The following GRHL1 variants were observed in gnomAD, a reference collection of about 807,000 sequenced individuals.
GRHL1 encodes grainyhead like transcription factor 1, also known as grainyhead-like protein 1 homolog.
A neutral mutation model predicts 75.7 loss-of-function variants in GRHL1; 38 were observed. The ratio of observed to expected loss-of-function variants is 0.50; its 90% CI spans 0.39 to 0.66. The LOEUF is 0.66. GRHL1 is among the 30% of genes least tolerant of loss of function. The pLI is 0.00. For missense variants in GRHL1, 589 were observed against 767.5 expected (o/e 0.77, Z 2.75); for synonymous variants, 266 against 279.4 (o/e 0.95, Z 0.48).
chr2:9,994,432 A>T (rs544355154), intron 12 of GRHL1, among the ~76,000 whole-genome samples: 3 of 151,786 alleles, frequency 2.0e-5, no homozygotes, highest in Non-Finnish European at 4.4e-5. Flanking sequence ...GTGCATCCTG[A>T]TGGAGAGAGC....
At chr2:9,979,996 C>T (rs1417191640) in intron 8 of GRHL1, among the ~76,000 whole-genome samples, 2 of 152,164 alleles carry the variant, frequency 1.3e-5, no homozygotes, top group Non-Finnish European at 2.9e-5. Flanking sequence ...AGACAGTTAG[C>T]AAGCTTTACT....
At chr2:9,962,945 G>A (rs1667336264) in intron 5 of GRHL1, among the ~76,000 whole-genome samples, 1 of 151,626 alleles carries the variant, frequency 6.6e-6, no homozygotes, top group East Asian at 1.9e-4. Flanking sequence ...AATAAATGAA[G>A]TCAACTTTTT....
intron 14 of GRHL1, among the ~76,000 whole-genome samples, chr2:9,998,509 T>C (rs542587136): frequency 5.0e-5 from 2 of 40,278 alleles, no homozygotes; most frequent in South Asian, 5.7e-4. Context: ...TACATATATA[T>C]ACGTATATAT....
rs776257623 is a variant in GRHL1, at chr2:9,962,527, T to C, written c.742T>C (p.Ser248Pro). The change falls in exon 5 of 16, where the codon TCT becomes CCT. Residue 248 changes from serine to proline, a missense_variant. Coordinates refer to ENST00000324907, the MANE Select transcript of GRHL1 (RefSeq NM_198182.3). The stretch of plus-strand genomic sequence containing the variant: ...AGAGGACTATGTTTTTGACAGTGTT[T>C]CTGGGTAATAGATGTCTTTTAATTT... ...NSEDYVFDSV[S>P]GNNFEYTLEA... The C allele has an allele frequency of 5.9e-6, 9 of 1,515,738 alleles. No homozygotes were observed. The highest frequency in any genetic ancestry group is 8.3e-6 in the Non-Finnish European group (9 of 1,090,330). 93.9% of individuals were successfully genotyped at this position (1,515,738 alleles called of 1,614,324 possible).
At position 9,968,848 on chromosome 2, in the gene GRHL1, C is replaced by G. The variant is rs1289016512; in HGVS notation, c.1110+3467C>G. 6.6e-6 allele frequency among the ~76,000 whole-genome samples: 1 copy of G among 152,186 alleles called. No homozygotes were observed. Among genetic ancestry groups the G allele is most frequent in the Non-Finnish European group, 1.5e-5 (1 of 68,028 alleles). On this transcript the variant is annotated intron_variant, in intron 8 of 15. Transcript: ENST00000324907. The surrounding 1 kb of genome is among the most constrained non-coding windows in gnomAD (Gnocchi z 4.7). ...GAGCCTGCTGTGGACAAGGCGTGGG[C>G]TGGATCTAGGCTCCTGCCACTAGTT...
In GRHL1 at chr2:9,990,273, C is replaced by T. The variant is rs1668584447; in HGVS notation, c.1270-423C>T. ...TCAAGCAGTTCTCCTGCCTCAGCCT[C>T]CCAAGTAGCTGGGACTACAGGTGCC... On this transcript the variant is annotated intron_variant, in intron 9 of 15. Coordinates refer to ENST00000324907, the MANE Select transcript of GRHL1 (RefSeq NM_198182.3). The surrounding 1 kb of genome is among the most constrained non-coding windows in gnomAD (Gnocchi z 4.2). 6.6e-6 allele frequency among the ~76,000 whole-genome samples: 1 copy of T among 152,060 alleles called. No individual in the cohort carries two copies. The highest frequency in any genetic ancestry group is 1.5e-5 in the Non-Finnish European group (1 of 68,020).
chr2:9,978,740 C>T (rs1572365337), intron 8 of GRHL1, among the ~76,000 whole-genome samples: 1 of 152,136 alleles, frequency 6.6e-6, no homozygotes, highest in Non-Finnish European at 1.5e-5. Flanking sequence ...CCTGTAATCC[C>T]AGCACTTTGG....
At chr2:9,985,974 T>G in intron 8 of GRHL1, 150 bp from the exon 9 acceptor site, 1 of 606,556 alleles carries the variant, frequency 1.6e-6, no homozygotes, top group Non-Finnish European at 2.8e-6. Flanking sequence ...CCTGATCACC[T>G]CTTTTTAAAA....
In GRHL1 at chr2:9,961,237, T is replaced by G; in HGVS notation, c.470T>G (p.Ile157Ser). ...VSIATMPTHS[I>S]KTETQPHGFA... ...ATAGCAACGATGCCTACCCACTCCA[T>G]CAAGACAGAAACCCAGCCACATGGC... The change falls in exon 4 of 16, where the codon ATC becomes AGC. Residue 157 changes from isoleucine to serine, a missense_variant. This residue lies in a region of GRHL1 where 362 missense variants were observed against 461.8 expected (regional missense o/e 0.78). Coordinates refer to ENST00000324907, the MANE Select transcript of GRHL1 (RefSeq NM_198182.3). 6.2e-7 allele frequency: 1 copy of G among 1,614,090 alleles called. No individual in the cohort carries two copies. The highest frequency in any genetic ancestry group is 8.5e-7 in the Non-Finnish European group (1 of 1,179,996).
At chr2:9,983,340 T>C (rs1668278203) in intron 8 of GRHL1, among the ~76,000 whole-genome samples, 1 of 152,152 alleles carries the variant, frequency 6.6e-6, no homozygotes, top group Non-Finnish European at 1.5e-5. Context: ...AGGACCATTG[T>C]CAACTTTCTT....
chr2:9,959,099 G>A (rs891312691), intron 3 of GRHL1: 2 of 346,096 alleles, frequency 5.8e-6, no homozygotes, highest in African/African-American at 4.2e-5. Context: ...CTCCTCCAAA[G>A]GGATAGTTTT....
Position 9,982,682 on chromosome 2 carries a change from G to C in GRHL1, c.1111-3442G>C, listed in dbSNP as rs74629784. ...ATCTTCATTTCCAACAAGTTCCCTC[G>C]TGCTGATGCTCCTGGCATCACACTT... On this transcript the variant is annotated intron_variant, in intron 8 of 15. Transcript: ENST00000324907. Among the ~76,000 whole-genome samples the C allele has an allele frequency of 6.9e-3, 1,050 of 152,214 alleles. 9 individuals are homozygous for C. The highest frequency in any genetic ancestry group is 0.023 in the African/African-American group (968 of 41,524).
At chr2:9,967,594 G>A (rs1287078789) in intron 8 of GRHL1, among the ~76,000 whole-genome samples, 3 of 150,580 alleles carry the variant, frequency 2.0e-5, no homozygotes, top group Non-Finnish European at 4.4e-5. Context: ...CGCCAGAAGG[G>A]TGTTGTGCCA....
At chr2:9,993,922 G>C (rs1668748788) in intron 12 of GRHL1, among the ~76,000 whole-genome samples, 1 of 152,156 alleles carries the variant, frequency 6.6e-6, no homozygotes, top group East Asian at 1.9e-4. Flanking sequence ...ATTGCTATCA[G>C]TATGAACTCA....
chr2:9,980,366 T>G (rs1448523831), intron 8 of GRHL1, among the ~76,000 whole-genome samples: 4 of 151,932 alleles, frequency 2.6e-5, no homozygotes, highest in Non-Finnish European at 5.9e-5. Flanking sequence ...CCTTTGATTA[T>G]GTAAATCATT....
chr2:9,974,241 T>C (rs1034283347), intron 8 of GRHL1, among the ~76,000 whole-genome samples: 5 of 152,244 alleles, frequency 3.3e-5, no homozygotes, highest in African/African-American at 1.2e-4. Context: ...AGCTTGACAC[T>C]GTCTCTTGAG....
intron 12 of GRHL1, among the ~76,000 whole-genome samples, chr2:9,995,639 A>G (rs148475906): frequency 6.6e-6 from 1 of 151,566 alleles, no homozygotes; most frequent in African/African-American, 2.4e-5. Context: ...GCTTTATCTG[A>G]TGAGAGTGCA....
intron 5 of GRHL1, among the ~76,000 whole-genome samples, chr2:9,963,144 G>T (rs1667345057): frequency 6.6e-6 from 1 of 152,212 alleles, no homozygotes; most frequent in South Asian, 2.1e-4. Flanking sequence ...GCCTCAAGAT[G>T]CAGGAGTCCC....
At chr2:9,967,200 C>T (rs989070004) in intron 8 of GRHL1, among the ~76,000 whole-genome samples, 2 of 152,246 alleles carry the variant, frequency 1.3e-5, no homozygotes, top group Admixed American at 6.5e-5. Context: ...GTTAGTCCCT[C>T]AGTTCACTAG....
Sources: gnomAD v4.1 joint callset for allele counts (sites outside exome capture counted in the v4.1 genomes callset) on GRCh38, gnomAD v4.1.1 for gene constraint, gnomAD v4.1.1 regional missense constraint, Gnocchi (gnomAD v3.1) non-coding constraint, MANE v1.5 for transcripts, NCBI Gene and HGNC (gene_info 2026-07-23, HGNC 2026-07-21) for gene names.